Variants in STXBP6 observed in about 807,000 individuals in gnomAD.
The protein encoded by STXBP6 is syntaxin-binding protein 6.
Under a neutral mutation model 26.9 loss-of-function variants are expected in STXBP6, and 21 were observed. That is an observed-to-expected ratio of 0.78 (90% confidence interval 0.55 to 1.12). STXBP6 has a LOEUF of 1.12. Among genes scored for constraint, STXBP6 ranks in the 50% most tolerant of loss-of-function variants. The pLI is 0.00. For synonymous variants in STXBP6, 97 were observed against 92.6 expected, an observed-to-expected ratio of 1.05 and a Z score of -0.27; for missense variants, 232 against 257.9, an observed-to-expected ratio of 0.90 and a Z score of 0.69.
At position 24,811,394 on chromosome 14, in the gene STXBP6, C is replaced by T. The variant is rs925341075; in HGVS notation, c.*1315G>A. ...AAAATCAATGCGCTGCAGTGGTAGGCTTACAATGTGTCTGAGATGTGCAGC... is the reference window on the plus strand; with the variant it reads ...AAAATCAATGCGCTGCAGTGGTAGGTTTACAATGTGTCTGAGATGTGCAGC... On this transcript the variant is annotated 3_prime_UTR_variant, in exon 6 of 6. Coordinates refer to ENST00000323944, the MANE Select transcript of STXBP6 (RefSeq NM_001394410.1). The T allele has an allele frequency of 1.3e-5, 2 of 152,096 alleles. No individual in the cohort carries two copies. Among genetic ancestry groups the T allele is most frequent in the Non-Finnish European group, 2.9e-5 (2 of 68,028 alleles). The allele number at this position is 152,096 out of a possible 1,614,324, so 9.4% of individuals were successfully genotyped here.
At chr14:24,894,101 G>C (rs1028095812) in intron 2 of STXBP6, among the ~76,000 whole-genome samples, 1 of 152,078 alleles carries the variant, frequency 6.6e-6, no homozygotes, top group Non-Finnish European at 1.5e-5. Context: ...TAGAAAATTA[G>C]GCAAGACTAT....
chr14:24,859,405 ATAT>A (rs1432137177), intron 2 of STXBP6, among the ~76,000 whole-genome samples: 1 of 152,140 alleles, frequency 6.6e-6, no homozygotes, highest in Non-Finnish European at 1.5e-5. Context: ...TCTTAAAATT[ATAT>A]TATTATATAC....
chr14:25,049,018 C>A lies in STXBP6; in HGVS notation c.-33+860G>T. On this transcript the variant is annotated intron_variant, in intron 1 of 5. Coordinates refer to ENST00000323944, the MANE Select transcript of STXBP6 (RefSeq NM_001394410.1). The surrounding 1 kb of genome is among the most constrained non-coding windows in gnomAD (Gnocchi z 5.6). ...AGCGTAATAGGAAGGGGAGAAGGTT[C>A]GTTATGAAATCCTGGGGCCAGAACC... is the stretch of plus-strand genomic sequence containing the variant. The A allele has an allele frequency of 3.2e-6, 1 of 316,274 alleles. No homozygotes were observed. The allele number at this position is 316,274 out of a possible 1,614,324, so 19.6% of individuals were successfully genotyped here.
At chr14:24,894,613 T>C (rs1241599) in intron 2 of STXBP6, among the ~76,000 whole-genome samples, 100,847 of 152,002 alleles carry the variant, frequency 0.66, 33,553 homozygotes, top group East Asian at 0.76. Flanking sequence ...TGGCTATATT[T>C]ATCACCTGAG....
intron 1 of STXBP6, among the ~76,000 whole-genome samples, chr14:25,027,979 A>T (rs2075378597): frequency 6.6e-6 from 1 of 152,206 alleles, no homozygotes; most frequent in African/African-American, 2.4e-5. Flanking sequence ...AGGCTGAAAG[A>T]GGTGATGAAG....
intron 1 of STXBP6, among the ~76,000 whole-genome samples, chr14:25,006,878 T>TTG (rs1304686264): frequency 2.0e-5 from 3 of 151,076 alleles, no homozygotes; most frequent in African/African-American, 7.4e-5. Flanking sequence ...ATATTTTACT[T>TTG]CAAAGGCATT....
At chr14:24,906,599 G>T (rs1176579410) in intron 2 of STXBP6, among the ~76,000 whole-genome samples, 5 of 152,118 alleles carry the variant, frequency 3.3e-5, no homozygotes, top group Admixed American at 2.6e-4. Context: ...GTTTTGTTAT[G>T]AAATCTAACC....
chr14:24,956,669 G>A (rs994002654), intron 2 of STXBP6, among the ~76,000 whole-genome samples: 1 of 152,050 alleles, frequency 6.6e-6, no homozygotes, highest in Non-Finnish European at 1.5e-5. Flanking sequence ...CTGACAGCAC[G>A]TCAGCTTAAA....
intron 1 of STXBP6, among the ~76,000 whole-genome samples, chr14:25,028,266 G>A (rs1222930299): frequency 2.6e-5 from 4 of 152,156 alleles, no homozygotes; most frequent in Non-Finnish European, 5.9e-5. Flanking sequence ...AGAAGTCAAG[G>A]CCTTGCTGCA....
At chr14:24,861,891 TCTC>T (rs1455210576) in intron 2 of STXBP6, among the ~76,000 whole-genome samples, 2 of 152,160 alleles carry the variant, frequency 1.3e-5, no homozygotes, top group Non-Finnish European at 2.9e-5. Context: ...GCCCTCCCCT[TCTC>T]CTCCTTCTGT....
intron 1 of STXBP6, among the ~76,000 whole-genome samples, chr14:25,016,659 G>A (rs186856123): frequency 6.6e-6 from 1 of 152,158 alleles, no homozygotes; most frequent in African/African-American, 2.4e-5. Flanking sequence ...AAAAGAACAT[G>A]CTTGATGTGT....
At chr14:24,899,368 G>A (rs1595070818) in intron 2 of STXBP6, among the ~76,000 whole-genome samples, 1 of 152,138 alleles carries the variant, frequency 6.6e-6, no homozygotes, top group African/African-American at 2.4e-5. Flanking sequence ...AAACTTTTCA[G>A]AGAAATTATT....
intron 2 of STXBP6, among the ~76,000 whole-genome samples, chr14:24,862,173 A>AT (rs879657441): frequency 1.1e-4 from 16 of 151,758 alleles, no homozygotes; most frequent in African/African-American, 3.9e-4. Flanking sequence ...GCTAACTTTT[A>AT]TTTTTTTTGT....
chr14:24,920,212 C>T (rs1183169372), intron 2 of STXBP6, among the ~76,000 whole-genome samples: 2 of 151,966 alleles, frequency 1.3e-5, no homozygotes, highest in African/African-American at 4.8e-5. Context: ...GAACTCAATA[C>T]TCAAAACACA....
intron 1 of STXBP6, among the ~76,000 whole-genome samples, chr14:25,047,835 G>A (rs1421564501): frequency 6.6e-6 from 1 of 152,176 alleles, no homozygotes; most frequent in Non-Finnish European, 1.5e-5. Context: ...CTTAGTTCAA[G>A]GTCACTATTA....
intron 1 of STXBP6, among the ~76,000 whole-genome samples, chr14:25,004,493 A>G (rs2074844264): frequency 6.6e-6 from 1 of 152,198 alleles, no homozygotes; most frequent in African/African-American, 2.4e-5. Flanking sequence ...ACCACCTGAA[A>G]TAAGTTTCAA....
chr14:24,874,825 G>C (rs568574342), intron 2 of STXBP6, among the ~76,000 whole-genome samples: 27 of 152,096 alleles, frequency 1.8e-4, no homozygotes, highest in African/African-American at 6.5e-4. Flanking sequence ...ATTACACATC[G>C]ACCGGCTGTC....
At chr14:24,859,820 A>G (rs2069467919) in intron 2 of STXBP6, among the ~76,000 whole-genome samples, 1 of 152,196 alleles carries the variant, frequency 6.6e-6, no homozygotes, top group Non-Finnish European at 1.5e-5. Context: ...ATTTAAAGGA[A>G]TAGGGTGGGT....
intron 2 of STXBP6, among the ~76,000 whole-genome samples, chr14:24,921,970 T>C (rs1337817843): frequency 6.6e-6 from 1 of 152,004 alleles, no homozygotes; most frequent in African/African-American, 2.4e-5. Flanking sequence ...GACTCCCATA[T>C]TCCTCAATCT....
Sources: allele counts gnomAD v4.1 joint callset (sites outside exome capture counted in the v4.1 genomes callset), GRCh38; gene constraint gnomAD v4.1.1; non-coding constraint Gnocchi (gnomAD v3.1); transcripts MANE v1.5; gene names NCBI Gene and HGNC (gene_info 2026-07-23, HGNC 2026-07-21).